The following IFNAR2 variants were observed in gnomAD, a reference collection of about 807,000 sequenced individuals.
IFNAR2 encodes interferon alpha/beta receptor 2.
In IFNAR2, 30 loss-of-function variants were observed where a neutral mutation model predicts 49.4. The observed-to-expected ratio is 0.61, with a 90% CI of 0.45 to 0.82. The LOEUF is 0.82. IFNAR2 is among the 40% of genes least tolerant of loss of function. The pLI, the probability that IFNAR2 is intolerant of heterozygous loss-of-function variation, is 0.00. For missense variants in IFNAR2, 600 were observed against 622.7 expected (o/e 0.96, Z 0.39); for synonymous variants, 224 against 234.5 (o/e 0.96, Z 0.41).
chr21:33,257,707 T>A (rs1988301267), intron 7 of IFNAR2, among the ~76,000 whole-genome samples: 1 of 152,154 alleles, frequency 6.6e-6, no homozygotes, highest in Admixed American at 6.5e-5. Flanking sequence ...AAGTCCTCAC[T>A]CCACCCAGGA....
At chr21:33,251,281 A>G (rs1258781762) in intron 6 of IFNAR2, among the ~76,000 whole-genome samples, 2 of 152,244 alleles carry the variant, frequency 1.3e-5, no homozygotes, top group African/African-American at 4.8e-5. Flanking sequence ...AGCTGAGAGA[A>G]GAACTTTCCA....
chr21:33,230,241 G>A lies in IFNAR2; in HGVS notation c.-84+25G>A. 1 of 1,095,268 alleles carries A rather than the reference G, an allele frequency of 9.1e-7. No individual in the cohort carries two copies. The allele number at this position is 1,095,268 out of a possible 1,614,324, so 67.8% of individuals were successfully genotyped here. On this transcript the variant is annotated intron_variant, in intron 1 of 8. Transcript: ENST00000342136. The surrounding 1 kb of genome is among the most constrained non-coding windows in gnomAD (Gnocchi z 5.5). ...GGTAACGCAGCGTGGCGGGGTCGCG[G>A]GAGCGGAGCGCGTGGCCAGCTGACT...
chr21:33,247,897 G>A (rs1302080146), intron 5 of IFNAR2, among the ~76,000 whole-genome samples: 1 of 152,116 alleles, frequency 6.6e-6, no homozygotes, highest in Non-Finnish European at 1.5e-5. Flanking sequence ...CAAACAATTC[G>A]GATACGACAT....
chr21:33,241,157 A>G (rs1410894554), intron 1 of IFNAR2, among the ~76,000 whole-genome samples: 2 of 152,194 alleles, frequency 1.3e-5, no homozygotes, highest in Admixed American at 6.5e-5. Flanking sequence ...CAATATATCT[A>G]TCTAACAAAA....
intron 1 of IFNAR2, among the ~76,000 whole-genome samples, chr21:33,235,229 T>C (rs1480340678): frequency 1.3e-5 from 2 of 152,226 alleles, no homozygotes; most frequent in Admixed American, 1.3e-4. Flanking sequence ...CTTTGTGACC[T>C]CCTGTTTTAT....
At chr21:33,251,928 C>A (rs1278799010) in intron 6 of IFNAR2, 1 of 192,856 alleles carries the variant, frequency 5.2e-6, no homozygotes, top group Non-Finnish European at 9.5e-6. Context: ...ACTAAAAATA[C>A]AAAAATTAGC....
At chr21:33,256,409 G>A (rs535336058) in intron 7 of IFNAR2, among the ~76,000 whole-genome samples, 4 of 152,254 alleles carry the variant, frequency 2.6e-5, no homozygotes, top group East Asian at 1.9e-4. Context: ...TTCAGATAAC[G>A]TGGCCTCTGT....
chr21:33,247,684 C>A (rs1987541973), intron 5 of IFNAR2, among the ~76,000 whole-genome samples: 1 of 152,178 alleles, frequency 6.6e-6, no homozygotes, highest in Non-Finnish European at 1.5e-5. Flanking sequence ...CAGGCCTACC[C>A]CTTCTTTCTT....
chr21:33,255,676 G>A (rs1428417635), intron 7 of IFNAR2, among the ~76,000 whole-genome samples: 1 of 152,110 alleles, frequency 6.6e-6, no homozygotes, highest in African/African-American at 2.4e-5. Context: ...AGTTTGTATT[G>A]GGTTTCATTA....
chr21:33,252,813 C>A lies in IFNAR2; in HGVS notation c.692C>A (p.Pro231Gln). The change falls in exon 7 of 9, where the codon CCA (proline) becomes CAA (glutamine). Residue 231 changes from proline (P) to glutamine (Q), a missense_variant. Physicochemically the swap from Pro to Gln is moderately conservative, Grantham distance 76 (BLOSUM62 -1). Transcript: ENST00000342136. The part of the protein sequence containing the change: ...IKSPLKCTLL[P>Q]PGQESESAES... ...TCTCCCTTAAAATGCACCCTCCTTC[C>A]ACCTGGCCAGGAATCAGGTATGTTC... The A allele has an allele frequency of 6.2e-7, 1 of 1,613,650 alleles. No homozygotes were observed. Among genetic ancestry groups the A allele is most frequent in the South Asian group, 1.1e-5 (1 of 91,068 alleles).
At chr21:33,246,313 G>A (rs891127999) in intron 4 of IFNAR2, among the ~76,000 whole-genome samples, 6 of 152,200 alleles carry the variant, frequency 3.9e-5, no homozygotes, top group South Asian at 2.1e-4. Flanking sequence ...CTCGTGATCC[G>A]CCCGCCTTGG....
chr21:33,262,506 C>G, intron 8 of IFNAR2: 1 of 675,604 alleles, frequency 1.5e-6, no homozygotes, highest in South Asian at 1.6e-5. Flanking sequence ...TTGCTGTCAT[C>G]ATCATCAACT....
rs922426461 is a variant in IFNAR2 at position 33,261,881 on chromosome 21, A to T, written c.841-912A>T. On this transcript the variant is annotated intron_variant, in intron 8 of 8. Coordinates refer to ENST00000342136, the MANE Select transcript of IFNAR2 (RefSeq NM_001289125.3). ...ACAGAGTGAGACCCTAGCTCTAAAA[A>T]TATATAAATATCTTAAAAATATAAA... Among the ~76,000 whole-genome samples, 6 of 152,126 alleles carry T rather than the reference A, an allele frequency of 3.9e-5. No individual in the cohort carries two copies. In the East Asian group the frequency reaches 1.2e-3, roughly 29 times the overall value.
intron 7 of IFNAR2, among the ~76,000 whole-genome samples, chr21:33,260,302 T>A (rs528002248): frequency 6.6e-6 from 1 of 152,346 alleles, no homozygotes; most frequent in Admixed American, 6.5e-5. Flanking sequence ...TAATTCTGTT[T>A]AATTTTAATC....
chr21:33,247,210 C>G (rs1475607559), intron 5 of IFNAR2, among the ~76,000 whole-genome samples: 1 of 149,802 alleles, frequency 6.7e-6, no homozygotes, highest in Non-Finnish European at 1.5e-5. Flanking sequence ...ATCTAGCGCT[C>G]TCATCTCTCT....
intron 7 of IFNAR2, among the ~76,000 whole-genome samples, chr21:33,258,757 A>G (rs1481670331): frequency 3.3e-5 from 5 of 152,186 alleles, no homozygotes; most frequent in African/African-American, 1.2e-4. Context: ...GAAGAATAGT[A>G]ACAGTTCTGG....
At chr21:33,256,917 C>T (rs548374063) in intron 7 of IFNAR2, among the ~76,000 whole-genome samples, 70 of 152,244 alleles carry the variant, frequency 4.6e-4, no homozygotes, top group Admixed American at 1.8e-3. Context: ...TTGAGGAGAG[C>T]AGGTTGCTGT....
chr21:33,236,925 A>C (rs938186049), intron 1 of IFNAR2: 164 of 973,930 alleles, frequency 1.7e-4, no homozygotes, highest in Non-Finnish European at 2.0e-4. Flanking sequence ...AGTTTTAAGG[A>C]GCTCCATTAA....
chr21:33,229,985 G>A lies in IFNAR2; in HGVS notation c.-315G>A. 4 of 984,564 alleles carry A rather than the reference G, an allele frequency of 4.1e-6. No individual in the cohort carries two copies. The highest frequency in any genetic ancestry group is 4.7e-5 in the South Asian group (1 of 21,330). The allele number at this position is 984,564 out of a possible 1,614,324, so 61.0% of individuals were successfully genotyped here. On this transcript the variant is annotated 5_prime_UTR_variant, in exon 1 of 9. Transcript: ENST00000342136. ...GCTCGGCGCGCGCACCCGCACTAAAGACGCTTCTTCCCGGCGGGTAGGAAT... is the reference window on the plus strand; with the variant it reads ...GCTCGGCGCGCGCACCCGCACTAAAAACGCTTCTTCCCGGCGGGTAGGAAT...
Sources: allele counts gnomAD v4.1 joint callset (sites outside exome capture counted in the v4.1 genomes callset), GRCh38; gene constraint gnomAD v4.1.1; non-coding constraint Gnocchi (gnomAD v3.1); transcripts MANE v1.5; gene names NCBI Gene and HGNC (gene_info 2026-07-23, HGNC 2026-07-21).